POLE2: variants seen among roughly 807,000 people sequenced by gnomAD.
POLE2 encodes DNA polymerase epsilon 2, accessory subunit.
POLE2 carries 56 observed loss-of-function variants against 79.4 expected under a neutral mutation model. The observed-to-expected ratio is 0.71, with a 90% confidence interval of 0.57 to 0.88. The LOEUF is 0.88. POLE2 is among the 40% of genes least tolerant of loss of function. The pLI is 0.00. For synonymous variants in POLE2, 212 were observed against 214.0 expected (o/e 0.99, Z 0.08); for missense variants, 598 against 638.9 (o/e 0.94, Z 0.69).
Position 49,651,390 on chromosome 14 carries a change from C to T in POLE2, c.1212-13G>A. 8.7e-7 allele frequency: 1 copy of T among 1,143,172 alleles called. No homozygotes were observed. The highest frequency in any genetic ancestry group is 1.3e-6 in the Non-Finnish European group (1 of 793,556). The allele number at this position is 1,143,172 out of a possible 1,614,324, so 70.8% of individuals were successfully genotyped here. On this transcript the variant is annotated splice_polypyrimidine_tract_variant and intron_variant, in intron 15 of 18. Coordinates refer to ENST00000216367, the MANE Select transcript of POLE2 (RefSeq NM_002692.4). ...ACAGTACTGAATTCTGAAATGAAAA[C>T]AGTAGTTGAATTTGACTTCTCAGAA... is the stretch of plus-strand genomic sequence containing the variant.
intron 3 of POLE2, chr14:49,677,501 C>A: frequency 2.0e-6 from 1 of 491,720 alleles, no homozygotes; most frequent in East Asian, 3.6e-5. Flanking sequence ...TCAAGCATGC[C>A]TCACATGAAG....
Position 49,683,590 on chromosome 14 carries a change from TA to T in POLE2, c.169+2del. On this transcript the variant is annotated splice_donor_variant, in intron 2 of 18. Coordinates refer to ENST00000216367, the MANE Select transcript of POLE2 (RefSeq NM_002692.4). LOFTEE classifies it high-confidence loss of function. Reference sequence around the variant, plus strand: ...TTAGGAGTTATCAGAAAATATTACTTACAGGGTTGCTTCTCAACTGCATTAA... The same window carrying T: ...TTAGGAGTTATCAGAAAATATTACTTCAGGGTTGCTTCTCAACTGCATTAA... 4 of 1,368,718 alleles carry T rather than the reference TA, an allele frequency of 2.9e-6. No individual in the cohort carries two copies. Among genetic ancestry groups the T allele is most frequent in the Non-Finnish European group, 4.2e-6 (4 of 962,558 alleles). The allele number at this position is 1,368,718 out of a possible 1,614,324, so 84.8% of individuals were successfully genotyped here. A position where few individuals can be genotyped will look rare whatever the true frequency, so the allele number is the denominator to read the frequency against.
At chr14:49,646,791 C>A (rs554529089) in intron 18 of POLE2, 2 of 152,206 alleles carry the variant, frequency 1.3e-5, no homozygotes, top group Admixed American at 6.5e-5. Context: ...ACATTTTTAA[C>A]AAGGACCCCA....
chr14:49,666,247 G>C (rs1394233148), intron 7 of POLE2, 83 bp downstream of exon 7: 4 of 717,028 alleles, frequency 5.6e-6, no homozygotes, highest in Non-Finnish European at 9.8e-6. Flanking sequence ...ATACATTCCT[G>C]TGCCCACTAC....
chr14:49,675,869 T>A (rs1439489923), intron 3 of POLE2, among the ~76,000 whole-genome samples: 1 of 151,932 alleles, frequency 6.6e-6, no homozygotes, highest in African/African-American at 2.4e-5. Flanking sequence ...TTCTCCTGCC[T>A]CAGCCTCCCA....
Position 49,650,403 on chromosome 14 carries a change from G to T in POLE2, c.1359C>A (p.Pro453=). The T allele has an allele frequency of 6.3e-7, 1 of 1,578,186 alleles. No individual in the cohort carries two copies. The highest frequency in any genetic ancestry group is 1.2e-5 in the South Asian group (1 of 85,808). Residue 453 remains proline (P), a synonymous_variant, in exon 17 of 19, where the codon CCC becomes CCA. Coordinates refer to ENST00000216367, the MANE Select transcript of POLE2 (RefSeq NM_002692.4). Reference sequence around the variant, plus strand: ...ACACTGGGCAGACATAAAGAGGTAGGGGAGTCAGATGTCCTTGGGATAAGA... The same window carrying T: ...ACACTGGGCAGACATAAAGAGGTAGTGGAGTCAGATGTCCTTGGGATAAGA... ...KTILSQGHLT[P]LPLYVCPVYW...
chr14:49,654,034 G>C lies in POLE2; in HGVS notation c.1167C>G (p.Phe389Leu). The change falls in exon 15 of 19, where the codon TTC becomes TTG. Residue 389 changes from phenylalanine to leucine, a missense_variant. Physicochemically the swap from Phe to Leu is conservative, Grantham distance 22. Transcript: ENST00000216367. ...PPLAESITNE[F>L]RQRVPFSVFT... is the part of the protein sequence containing the mutation. ...AAACTGAAAATGGTACCCTTTGTCT[G>C]AATTCATTAGTGATGCTTTCAGCAA... The C allele has an allele frequency of 6.3e-7, 1 of 1,599,340 alleles. No homozygotes were observed. Among genetic ancestry groups the C allele is most frequent in the East Asian group, 2.2e-5 (1 of 44,808 alleles).
intron 1 of POLE2, among the ~76,000 whole-genome samples, chr14:49,685,831 G>A (rs1340180790): frequency 6.6e-6 from 1 of 151,072 alleles, no homozygotes; most frequent in African/African-American, 2.5e-5. Context: ...GTTTCATCAT[G>A]TTGGTCAGGC....
At chr14:49,670,780 C>A (rs374266361) in intron 5 of POLE2, among the ~76,000 whole-genome samples, 6 of 152,292 alleles carry the variant, frequency 3.9e-5, no homozygotes, top group African/African-American at 1.4e-4. Flanking sequence ...AGAGGTGGGA[C>A]ATGGAAAGAG....
intron 16 of POLE2, 54 bp from the exon 17 acceptor site, chr14:49,650,495 T>C (rs1884140872): frequency 8.5e-7 from 1 of 1,181,252 alleles, no homozygotes; most frequent in Non-Finnish European, 1.1e-6. Context: ...AAAGTGAAAA[T>C]AGCTAAACAA....
chr14:49,677,464 A>C, intron 3 of POLE2: 1 of 473,936 alleles, frequency 2.1e-6, no homozygotes, highest in Admixed American at 3.4e-5. Flanking sequence ...AGGGGCAGCC[A>C]GTTTTAATAC....
chr14:49,668,944 G>A (rs1885681595), intron 6 of POLE2, among the ~76,000 whole-genome samples: 1 of 152,114 alleles, frequency 6.6e-6, no homozygotes, highest in African/African-American at 2.4e-5. Flanking sequence ...GGGACCACAG[G>A]TGCACAACAT....
rs1294535575 is a variant in POLE2, at chr14:49,674,213, CA to C, written c.326del (p.Leu109ArgfsTer2). On this transcript the variant is annotated frameshift_variant and splice_region_variant, in exon 5 of 19. Transcript: ENST00000216367. LOFTEE classifies it high-confidence loss of function. ...YNSERKKFLP[L>X]LMTNHPAPNL... Reference sequence around the variant, plus strand: ...TTGGTGCAGGGTGGTTGGTCATTAACAGACTAGAAAAAGAGAATGCCTATTT... The same window carrying C: ...TTGGTGCAGGGTGGTTGGTCATTAACGACTAGAAAAAGAGAATGCCTATTT... The C allele has an allele frequency of 1.2e-6, 2 of 1,604,750 alleles. No homozygotes were observed. Among genetic ancestry groups the C allele is most frequent in the Non-Finnish European group, 1.7e-6 (2 of 1,171,720 alleles).
chr14:49,647,740 G>A (rs1883890640), intron 17 of POLE2, among the ~76,000 whole-genome samples: 1 of 152,170 alleles, frequency 6.6e-6, no homozygotes, highest in Admixed American at 6.5e-5. Flanking sequence ...TTACAGGCAT[G>A]AGCCACCGTG....
chr14:49,668,700 C>T (rs1246984164), intron 6 of POLE2, among the ~76,000 whole-genome samples: 1 of 152,144 alleles, frequency 6.6e-6, no homozygotes, highest in Non-Finnish European at 1.5e-5. Context: ...GTGGGCATCT[C>T]AGTTGCCAGA....
In POLE2 at chr14:49,674,167, C is replaced by A. The variant is rs775011082; in HGVS notation, c.373G>T (p.Asp125Tyr). The change falls in exon 5 of 19, where the codon GAT becomes TAT. Residue 125 changes from aspartate (D) to tyrosine (Y), a missense_variant. Transcript: ENST00000216367. ...CGCTCACGAAACATCTCTGCTTTAT[C>A]TCTTGGTGTTCCAAATAAATTTGGT... is the stretch of plus-strand genomic sequence containing the variant. Reference protein sequence around the residue: ...PAPNLFGTPRDKAEMFRERYT... With the variant: ...PAPNLFGTPRYKAEMFRERYT... The A allele has an allele frequency of 2.5e-6, 4 of 1,613,594 alleles. No homozygotes were observed. The highest frequency in any genetic ancestry group is 3.4e-6 in the Non-Finnish European group (4 of 1,179,694).
chr14:49,677,360 G>A, intron 3 of POLE2: 1 of 505,242 alleles, frequency 2.0e-6, no homozygotes, highest in Non-Finnish European at 3.6e-6. Context: ...AAATCCTTCA[G>A]CTCCTGCTGG....
chr14:49,647,165 C>T (rs986403165), intron 18 of POLE2, 128 bp downstream of exon 18: 2 of 590,818 alleles, frequency 3.4e-6, no homozygotes, highest in Admixed American at 3.6e-5. Context: ...TAAGCTCAGC[C>T]AATAATATTT....
rs532265084 is a variant in POLE2, at chr14:49,674,490, T to C, written c.246-63A>G. On this transcript the variant is annotated intron_variant, in intron 3 of 18. Coordinates refer to ENST00000216367, the MANE Select transcript of POLE2 (RefSeq NM_002692.4). The stretch of plus-strand genomic sequence containing the variant: ...AAAACATAAGTACTCTAGGTGAACA[T>C]GATAACTTGCATTATAAGTATTTGT... 24 of 925,726 alleles carry C rather than the reference T, an allele frequency of 2.6e-5. 1 individual carries two copies. The South Asian group carries it at 2.9e-4, about 11-fold the overall frequency. The allele number at this position is 925,726 out of a possible 1,614,324, so 57.3% of individuals were successfully genotyped here. A position where few individuals can be genotyped will look rare whatever the true frequency, so the allele number is the denominator to read the frequency against.
Sources: allele counts gnomAD v4.1 joint callset (sites outside exome capture counted in the v4.1 genomes callset), GRCh38; gene constraint gnomAD v4.1.1; transcripts MANE v1.5; gene names NCBI Gene and HGNC (gene_info 2026-07-23, HGNC 2026-07-21).